The following KIF24 variants were observed in gnomAD, a reference collection of about 807,000 sequenced individuals.
The protein encoded by KIF24 is kinesin family member 24.
KIF24 carries 81 observed loss-of-function variants against 118.9 expected under a neutral mutation model. The observed-to-expected ratio is 0.68, with a 90% CI of 0.57 to 0.82. The LOEUF (loss-of-function observed/expected upper bound fraction) is 0.82. KIF24 is among the 40% of genes least tolerant of loss of function. The pLI, the probability that KIF24 is intolerant of heterozygous loss-of-function variation, is 0.00. For missense variants in KIF24, 1,560 were observed against 1,661.6 expected (o/e 0.94, Z 1.06); for synonymous variants, 599 against 610.0 (o/e 0.98, Z 0.27).
intron 2 of KIF24, among the ~76,000 whole-genome samples, chr9:34,309,210 A>G (rs1287557589): frequency 2.0e-5 from 3 of 152,188 alleles, no homozygotes; most frequent in Non-Finnish European, 4.4e-5. Flanking sequence ...AGTAATTCCA[A>G]TTTAGATTTT....
intron 1 of KIF24, among the ~76,000 whole-genome samples, chr9:34,311,699 TAC>T (rs1371843783): frequency 6.8e-6 from 1 of 147,238 alleles, no homozygotes; most frequent in South Asian, 2.1e-4. Flanking sequence ...CGTATATATG[TAC>T]ATATATACGT....
chr9:34,296,226 A>AC (rs1199178018), intron 4 of KIF24, among the ~76,000 whole-genome samples: 2 of 143,630 alleles, frequency 1.4e-5, no homozygotes, highest in African/African-American at 5.2e-5. Flanking sequence ...CTCAAAAAAA[A>AC]AAAAAAAAAC....
chr9:34,312,450 T>G (rs188672662), intron 1 of KIF24, among the ~76,000 whole-genome samples: 23 of 152,362 alleles, frequency 1.5e-4, no homozygotes, highest in African/African-American at 5.3e-4. Context: ...TACATTTTCT[T>G]TTTTAAAATG....
At position 34,257,740 on chromosome 9, in the gene KIF24, CA is replaced by C. The variant is rs772924878; in HGVS notation, c.1866del (p.Ala623HisfsTer26). ...TSHPPNIPFT[S>X]APKVSGKRGG... The stretch of plus-strand genomic sequence containing the variant: ...CCCCTTTTACCAGAGACCTTAGGTG[CA>C]GAAGTAAAAGGAATGTTGGGTGGGT... On this transcript the variant is annotated frameshift_variant, in exon 11 of 13. Transcript: ENST00000402558. LOFTEE classifies it high-confidence loss of function. The C allele has an allele frequency of 6.2e-7, 1 of 1,613,864 alleles. No homozygotes were observed. Among genetic ancestry groups the C allele is most frequent in the African/African-American group, 1.3e-5 (1 of 74,898 alleles).
rs74671532 is a variant in KIF24 at position 34,290,232 on chromosome 9, T to C, written c.1069A>G (p.Ile357Val). Residue 357 changes from isoleucine to valine, a missense_variant, in exon 5 of 13, where the codon ATC (isoleucine) becomes GTC (valine). Around this residue, in one of 3 missense-constraint regions of KIF24, gnomAD observed 964 missense variants for 988.0 expected, o/e 0.98. Coordinates refer to ENST00000402558, the MANE Select transcript of KIF24 (RefSeq NM_194313.4). The part of the protein sequence containing the change: ...SQPRKHLFVW[I>V]SFYEIYCGQL... ...CCACAGTAAATTTCATAGAAGCTGA[T>C]CCACACAAAGAGGTGCTTTCTTGGC... 445 of 1,613,932 alleles carry C rather than the reference T, an allele frequency of 2.8e-4. 3 individuals are homozygous for C. In the East Asian group the frequency reaches 9.1e-3, roughly 33 times the overall value.
At chr9:34,306,776 T>C (rs914535681) in intron 2 of KIF24, among the ~76,000 whole-genome samples, 5 of 151,858 alleles carry the variant, frequency 3.3e-5, no homozygotes, top group African/African-American at 1.2e-4. Context: ...CACTCCAGCC[T>C]GGGCGACAGA....
At chr9:34,283,704 G>A (rs1835937846) in intron 6 of KIF24, among the ~76,000 whole-genome samples, 1 of 152,060 alleles carries the variant, frequency 6.6e-6, no homozygotes, top group Non-Finnish European at 1.5e-5. Context: ...ACAAGGAAAA[G>A]ACAGATAACC....
At chr9:34,286,734 T>C in intron 5 of KIF24, 30 bp from the exon 6 acceptor site, 3 of 1,463,614 alleles carry the variant, frequency 2.0e-6, no homozygotes, top group Non-Finnish European at 2.9e-6. Context: ...GTTGGTATGA[T>C]GGTGCTACTA....
chr9:34,277,015 G>A (rs555607550), intron 6 of KIF24, among the ~76,000 whole-genome samples: 1 of 152,316 alleles, frequency 6.6e-6, no homozygotes, highest in South Asian at 2.1e-4. Flanking sequence ...AGGCTGGGAT[G>A]CGATGCTGAT....
At chr9:34,294,281 C>G (rs1019776843) in intron 4 of KIF24, among the ~76,000 whole-genome samples, 1 of 152,130 alleles carries the variant, frequency 6.6e-6, no homozygotes, top group African/African-American at 2.4e-5. Context: ...TAAACCTATC[C>G]TATGAGCCAG....
At position 34,266,313 on chromosome 9, in the gene KIF24, G is replaced by A. The variant is rs188142660; in HGVS notation, c.1443+2944C>T. On this transcript the variant is annotated intron_variant, in intron 8 of 12. Coordinates refer to ENST00000402558, the MANE Select transcript of KIF24 (RefSeq NM_194313.4). ...GTCCACAGAAAAGGCCCAGAAGCAA[G>A]GGCTAACACAGTAGTGATAAGCACC... 8.5e-5 allele frequency among the ~76,000 whole-genome samples: 13 copies of A among 152,182 alleles called. No individual in the cohort carries two copies. The East Asian group carries it at 2.3e-3, about 27-fold the overall frequency.
At chr9:34,294,617 C>T (rs913979578) in intron 4 of KIF24, among the ~76,000 whole-genome samples, 4 of 152,074 alleles carry the variant, frequency 2.6e-5, no homozygotes, top group Admixed American at 6.6e-5. Flanking sequence ...TATCTGTCAA[C>T]AGGAGAATAG....
intron 8 of KIF24, among the ~76,000 whole-genome samples, chr9:34,267,871 T>G (rs893494760): frequency 1.3e-5 from 2 of 152,178 alleles, no homozygotes; most frequent in Non-Finnish European, 2.9e-5. Context: ...ATGAGTAACA[T>G]GTTAAACATC....
At chr9:34,282,954 A>C (rs1268787553) in intron 6 of KIF24, among the ~76,000 whole-genome samples, 1 of 147,214 alleles carries the variant, frequency 6.8e-6, no homozygotes, top group Non-Finnish European at 1.5e-5. Flanking sequence ...CAGGAGGTTG[A>C]GGCAGGAGAA....
chr9:34,297,224 T>C (rs1358115951), intron 3 of KIF24, 110 bp from the exon 4 acceptor site: 12 of 613,322 alleles, frequency 2.0e-5, no homozygotes, highest in Non-Finnish European at 3.4e-5. Flanking sequence ...TAACAGTAAC[T>C]GACCATATCA....
At position 34,255,761 on chromosome 9, in the gene KIF24, G is replaced by C. The variant is rs924447487; in HGVS notation, c.3846C>G (p.Leu1282=). 4 of 1,613,242 alleles carry C rather than the reference G, an allele frequency of 2.5e-6. No homozygotes were observed. The highest frequency in any genetic ancestry group is 3.4e-6 in the Non-Finnish European group (4 of 1,179,532). Reference sequence around the variant, plus strand: ...GCGCTTGCTCCAGGGTGGGCTGACGGAGTGTCCCTGCAGTCTTGGGAGAGC... The same window carrying C: ...GCGCTTGCTCCAGGGTGGGCTGACGCAGTGTCCCTGCAGTCTTGGGAGAGC... ...PSCSPKTAGT[L]RQPTLEQAQQ... The change falls in exon 11 of 13, where the codon CTC becomes CTG. Residue 1282 remains leucine (L), a synonymous_variant. Transcript: ENST00000402558.
chr9:34,257,837 C>G lies in KIF24; in HGVS notation c.1770G>C (p.Leu590=), dbSNP rs1448381440. Residue 590 remains leucine, a synonymous_variant, in exon 11 of 13, where the codon CTG becomes CTC. Coordinates refer to ENST00000402558, the MANE Select transcript of KIF24 (RefSeq NM_194313.4). The part of the protein sequence containing the change: ...EDKCSPKKVK[L]GFQQSLTVAA... ...CCACTGTGAGTGACTGCTGAAATCCCAGCTTGACTTTTTTGGGAGAACATT... is the reference window on the plus strand; with the variant it reads ...CCACTGTGAGTGACTGCTGAAATCCGAGCTTGACTTTTTTGGGAGAACATT... The G allele has an allele frequency of 1.2e-6, 2 of 1,613,908 alleles. No individual in the cohort carries two copies. Among genetic ancestry groups the G allele is most frequent in the East Asian group, 4.5e-5 (2 of 44,888 alleles).
At chr9:34,324,260 T>C (rs1837606871) in intron 1 of KIF24, among the ~76,000 whole-genome samples, 1 of 152,218 alleles carries the variant, frequency 6.6e-6, no homozygotes, top group Non-Finnish European at 1.5e-5. Flanking sequence ...CATCTGAACT[T>C]GTCAATAACA....
intron 1 of KIF24, among the ~76,000 whole-genome samples, chr9:34,316,289 C>T (rs902440905): frequency 5.3e-5 from 8 of 151,404 alleles, no homozygotes; most frequent in African/African-American, 1.7e-4. Flanking sequence ...TGCAGTAAGC[C>T]GAGATCGTGT....
Sources: allele counts gnomAD v4.1 joint callset (sites outside exome capture counted in the v4.1 genomes callset), GRCh38; gene constraint gnomAD v4.1.1; regional missense constraint gnomAD v4.1.1; transcripts MANE v1.5; gene names NCBI Gene and HGNC (gene_info 2026-07-23, HGNC 2026-07-21).